Variants in C1QTNF3 observed in about 807,000 individuals in gnomAD.
C1QTNF3 encodes the protein C1q and TNF related 3.
Under a neutral mutation model 32.6 loss-of-function variants are expected in C1QTNF3, and 26 were observed. That is an observed-to-expected ratio of 0.80 (90% confidence interval 0.58 to 1.11). The LOEUF (loss-of-function observed/expected upper bound fraction) is 1.11, where lower values mean the gene tolerates loss of function less well. Ranked by LOEUF, C1QTNF3 falls within the 50% of genes least tolerant of loss-of-function variation. The probability of loss-of-function intolerance (pLI) is 0.00; values close to 1 mark genes in which losing one functional copy is unlikely to be tolerated. For missense variants in C1QTNF3, 362 were observed against 398.2 expected (o/e 0.91, Z 0.77); for synonymous variants, 155 against 146.0 (o/e 1.06, Z -0.44).
the C1QTNF3 span, among the ~76,000 whole-genome samples, chr5:34,174,999 A>G: frequency 7.3e-4 from 109 of 149,894 alleles, no homozygotes; most frequent in East Asian, 5.0e-3. Flanking sequence ...TGCCTGCCTC[A>G]GCCTCCCAAA....
chr5:34,080,176 AT>A, the C1QTNF3 span, among the ~76,000 whole-genome samples: 7 of 151,770 alleles, frequency 4.6e-5, no homozygotes, highest in Non-Finnish European at 1.0e-4. Flanking sequence ...TTCATTAATA[AT>A]TTTGAATGCT....
At chr5:34,055,981 T>C in the C1QTNF3 span, among the ~76,000 whole-genome samples, 1 of 152,170 alleles carries the variant, frequency 6.6e-6, no homozygotes, top group African/African-American at 2.4e-5. Context: ...CAGTTCCTGG[T>C]ATCAATCTAC....
chr5:34,136,546 TTGG>T, the C1QTNF3 span, among the ~76,000 whole-genome samples: 1 of 152,240 alleles, frequency 6.6e-6, no homozygotes, highest in Non-Finnish European at 1.5e-5. Flanking sequence ...TTTTACACTG[TTGG>T]TGGGAGTGTA....
the C1QTNF3 span, among the ~76,000 whole-genome samples, chr5:34,185,086 C>T: frequency 4.6e-5 from 7 of 152,376 alleles, no homozygotes; most frequent in African/African-American, 1.7e-4. Flanking sequence ...GTGGCTAATG[C>T]CTGTAATCCC....
At chr5:34,089,972 A>G in the C1QTNF3 span, among the ~76,000 whole-genome samples, 1 of 152,236 alleles carries the variant, frequency 6.6e-6, no homozygotes, top group African/African-American at 2.4e-5. Context: ...TTACCCTTGC[A>G]TAGAACATAG....
chr5:34,070,793 C>A, the C1QTNF3 span, among the ~76,000 whole-genome samples: 1 of 152,042 alleles, frequency 6.6e-6, no homozygotes, highest in Admixed American at 6.5e-5. Context: ...TGGAAATAAC[C>A]TCAGTCCTTC....
At chr5:34,072,434 C>T in the C1QTNF3 span, among the ~76,000 whole-genome samples, 1 of 147,284 alleles carries the variant, frequency 6.8e-6, no homozygotes, top group Non-Finnish European at 1.5e-5. Context: ...CAGAAATGTA[C>T]TCAGCAAAAT....
chr5:34,112,894 C>T, the C1QTNF3 span, among the ~76,000 whole-genome samples: 1 of 151,856 alleles, frequency 6.6e-6, no homozygotes. Context: ...GTAATGCGGG[C>T]ATAACACATG....
At chr5:34,084,354 G>A in the C1QTNF3 span, among the ~76,000 whole-genome samples, 1 of 151,730 alleles carries the variant, frequency 6.6e-6, no homozygotes, top group East Asian at 1.9e-4. Flanking sequence ...TGAGACATTC[G>A]CTGAGAGTAA....
the C1QTNF3 span, among the ~76,000 whole-genome samples, chr5:34,214,672 A>G: frequency 6.6e-6 from 1 of 152,158 alleles, no homozygotes; most frequent in African/African-American, 2.4e-5. Flanking sequence ...GTGTAAATTA[A>G]TATAACACTA....
the C1QTNF3 span, among the ~76,000 whole-genome samples, chr5:34,050,395 T>C: frequency 6.6e-6 from 1 of 152,234 alleles, no homozygotes. Flanking sequence ...CTCTTGCTGT[T>C]ATGGTACATG....
chr5:34,230,819 ACTC>A, the C1QTNF3 span, among the ~76,000 whole-genome samples: 1 of 150,452 alleles, frequency 6.6e-6, no homozygotes, highest in African/African-American at 2.4e-5. Context: ...ACAAAACAAA[ACTC>A]CTCCATAACT....
At chr5:34,043,381 T>C (rs1754923365), upstream of C1QTNF3, 1 of 495,574 alleles carries the variant, frequency 2.0e-6, no homozygotes, top group Non-Finnish European at 3.6e-6. Context: ...GTTGGCGAAA[T>C]TCATAAATGT....
the C1QTNF3 span, among the ~76,000 whole-genome samples, chr5:34,174,615 T>C: frequency 2.6e-5 from 4 of 152,130 alleles, no homozygotes; most frequent in Admixed American, 2.6e-4. Context: ...CATATCCTTC[T>C]CCAACCAACC....
At chr5:34,115,742 A>C in the C1QTNF3 span, among the ~76,000 whole-genome samples, 44 of 152,080 alleles carry the variant, frequency 2.9e-4, no homozygotes, top group Middle Eastern at 3.4e-3. Flanking sequence ...AAAAAAAAAA[A>C]AAAAAACTTT....
chr5:34,080,347 GT>G, the C1QTNF3 span, among the ~76,000 whole-genome samples: 1 of 151,732 alleles, frequency 6.6e-6, no homozygotes, highest in East Asian at 1.9e-4. Context: ...CAAGTGAATT[GT>G]TTTGCCCAAG....
Position 34,039,573 on chromosome 5 carries a change from C to T in C1QTNF3, c.303+3250G>A, listed in dbSNP as rs774445398. On this transcript the variant is annotated intron_variant, in intron 1 of 5. Coordinates refer to ENST00000382065, the MANE Select transcript of C1QTNF3 (RefSeq NM_181435.6). ...CATTCCCCAACTCCCTGCTACCCTA[C>T]GTGGAAGGGTGTGTAAGCATGCATA... is the stretch of plus-strand genomic sequence containing the variant. Among the ~76,000 whole-genome samples, 11 of 152,100 alleles carry T rather than the reference C, an allele frequency of 7.2e-5. No homozygotes were observed. In the East Asian group the frequency reaches 7.7e-4, roughly 11 times the overall value.
the C1QTNF3 span, among the ~76,000 whole-genome samples, chr5:34,061,827 C>T: frequency 6.6e-6 from 1 of 152,212 alleles, no homozygotes; most frequent in African/African-American, 2.4e-5. Context: ...AGACCTCCAA[C>T]ATGCCCTGGA....
At chr5:34,145,353 G>A in the C1QTNF3 span, among the ~76,000 whole-genome samples, 1 of 151,930 alleles carries the variant, frequency 6.6e-6, no homozygotes. Context: ...AAACATCTCA[G>A]ACTACTATGA....
Sources: allele counts gnomAD v4.1 joint callset (sites outside exome capture counted in the v4.1 genomes callset), GRCh38; gene constraint gnomAD v4.1.1; transcripts MANE v1.5; gene names NCBI Gene and HGNC (gene_info 2026-07-23, HGNC 2026-07-21).